Variants in PLG observed in about 807,000 individuals in gnomAD.
The protein encoded by PLG is plasmin.
PLG carries 41 observed loss-of-function variants against 104.4 expected under a neutral mutation model. The observed-to-expected ratio is 0.39, with a 90% CI of 0.31 to 0.51. PLG has a LOEUF of 0.51. Ranked by LOEUF, PLG falls within the 20% of genes least tolerant of loss-of-function variation. PLG has a pLI of 0.76. For synonymous variants in PLG, 337 were observed against 357.1 expected (o/e 0.94, Z 0.63); for missense variants, 891 against 1,003.6 (o/e 0.89, Z 1.52).
At chr6:160,712,784 C>G (rs2115157872) in intron 4 of PLG, among the ~76,000 whole-genome samples, 1 of 152,238 alleles carries the variant, frequency 6.6e-6, no homozygotes, top group South Asian at 2.1e-4. Context: ...GTCACAGTAG[C>G]AATGGTAATA....
Position 160,739,760 on chromosome 6 carries a change from C to CAAA in PLG, c.2018+561_2018+563dup, listed in dbSNP as rs1307343769. Among the ~76,000 whole-genome samples the CAAA allele has an allele frequency of 8.0e-5, 8 of 100,018 alleles. No homozygotes were observed. Among genetic ancestry groups the CAAA allele is most frequent in the African/African-American group, 2.6e-4 (8 of 30,636 alleles). The allele number at this position is 100,018 out of a possible 152,430, so 65.6% of individuals were successfully genotyped here. A position where few individuals can be genotyped will look rare whatever the true frequency, so the allele number is the denominator to read the frequency against. The stretch of plus-strand genomic sequence containing the variant: ...TGGGCGACAGAGTAAGACACTGTAC[C>CAAA]AAAAAAAAAAACACCAAAAAAACAA... On this transcript the variant is annotated intron_variant, in intron 16 of 18. Transcript: ENST00000308192. The surrounding 1 kb of genome is among the most constrained non-coding windows in gnomAD (Gnocchi z 4.4).
chr6:160,741,520 A>C lies in PLG; in HGVS notation c.2125+103A>C, dbSNP rs1313811990. On this transcript the variant is annotated intron_variant, in intron 17 of 18. Transcript: ENST00000308192. The surrounding 1 kb of genome is among the most constrained non-coding windows in gnomAD (Gnocchi z 4.7). ...AAGCTGTGCAAATTCCTATCCATGAATGTGGTCCACCCCACTCCTGATTTT... is the reference window on the plus strand; with the variant it reads ...AAGCTGTGCAAATTCCTATCCATGACTGTGGTCCACCCCACTCCTGATTTT... The C allele has an allele frequency of 1.2e-6, 1 of 802,700 alleles. No homozygotes were observed. Among genetic ancestry groups the C allele is most frequent in the African/African-American group, 1.7e-5 (1 of 59,014 alleles). The allele number at this position is 802,700 out of a possible 1,614,324, so 49.7% of individuals were successfully genotyped here.
intron 17 of PLG, among the ~76,000 whole-genome samples, chr6:160,745,480 T>C (rs1051519161): frequency 2.6e-5 from 4 of 152,224 alleles, no homozygotes; most frequent in African/African-American, 9.6e-5. Flanking sequence ...CTTGCTTTTT[T>C]GTCTGATTTC....
At position 160,753,088 on chromosome 6, in the gene PLG, G is replaced by T; in HGVS notation, c.*27G>T. On this transcript the variant is annotated 3_prime_UTR_variant, in exon 19 of 19. Transcript: ENST00000308192. This position sits in a 1 kb window ranked among gnomAD's most constrained non-coding sequence, Gnocchi z 5.4. ...TGGACGGGAGACAGAGTGACGCACT[G>T]ACTCACCTAGAGGCTGGAACGTGGG... is the stretch of plus-strand genomic sequence containing the variant. 7.0e-7 allele frequency: 1 copy of T among 1,425,284 alleles called. No individual in the cohort carries two copies. The highest frequency in any genetic ancestry group is 9.8e-7 in the Non-Finnish European group (1 of 1,019,488). 88.3% of individuals were successfully genotyped at this position (1,425,284 alleles called of 1,614,324 possible).
intron 17 of PLG, among the ~76,000 whole-genome samples, chr6:160,749,827 C>G (rs1192878981): frequency 2.0e-5 from 3 of 150,604 alleles, no homozygotes; most frequent in Non-Finnish European, 4.4e-5. Context: ...CATTTCACTA[C>G]CAGCACAATT....
Position 160,718,919 on chromosome 6 carries a change from A to C in PLG, c.1096+81A>C. The C allele has an allele frequency of 8.2e-6, 10 of 1,221,052 alleles. No individual in the cohort carries two copies. The Middle Eastern group carries it at 6.1e-4, about 74-fold the overall frequency. 75.6% of individuals were successfully genotyped at this position (1,221,052 alleles called of 1,614,324 possible). A position where few individuals can be genotyped will look rare whatever the true frequency, so the allele number is the denominator to read the frequency against. On this transcript the variant is annotated intron_variant, in intron 9 of 18. Transcript: ENST00000308192. Reference sequence around the variant, plus strand: ...TACCAGTGGCATCATCACAATATACAGTAGCTTTGTAAGTTTAATGCTATT... The same window carrying C: ...TACCAGTGGCATCATCACAATATACCGTAGCTTTGTAAGTTTAATGCTATT...
chr6:160,731,672 C>T lies in PLG; in HGVS notation c.1439-73C>T, dbSNP rs1487572404. 7.0e-7 allele frequency: 1 copy of T among 1,433,552 alleles called. No homozygotes were observed. Among genetic ancestry groups the T allele is most frequent in the African/African-American group, 1.4e-5 (1 of 71,470 alleles). 88.8% of individuals were successfully genotyped at this position (1,433,552 alleles called of 1,614,324 possible). A position where few individuals can be genotyped will look rare whatever the true frequency, so the allele number is the denominator to read the frequency against. On this transcript the variant is annotated intron_variant, in intron 11 of 18. Coordinates refer to ENST00000308192, the MANE Select transcript of PLG (RefSeq NM_000301.5). This position sits in a 1 kb window ranked among gnomAD's most constrained non-coding sequence, Gnocchi z 5.1. ...ATTCTGTCATCCTAGAGAAACCTGACATGACTGTATTGATTCCATATCATC... is the reference window on the plus strand; with the variant it reads ...ATTCTGTCATCCTAGAGAAACCTGATATGACTGTATTGATTCCATATCATC...
In PLG at chr6:160,732,165, T is replaced by C. The variant is rs1778010873; in HGVS notation, c.1587+272T>C. The stretch of plus-strand genomic sequence containing the variant: ...TAGTGACATTTCTTTAAAGTTTCCA[T>C]TATTGGGGACTGTCTCTAGTTTCTA... On this transcript the variant is annotated intron_variant, in intron 12 of 18. Coordinates refer to ENST00000308192, the MANE Select transcript of PLG (RefSeq NM_000301.5). This position sits in a 1 kb window ranked among gnomAD's most constrained non-coding sequence, Gnocchi z 4.5. 6.6e-6 allele frequency among the ~76,000 whole-genome samples: 1 copy of C among 152,204 alleles called. No individual in the cohort carries two copies. The highest frequency in any genetic ancestry group is 6.5e-5 in the Admixed American group (1 of 15,284).
At chr6:160,713,692 G>A (rs549145646) in intron 5 of PLG, among the ~76,000 whole-genome samples, 1 of 152,258 alleles carries the variant, frequency 6.6e-6, no homozygotes, top group African/African-American at 2.4e-5. Context: ...AGACAGGTTT[G>A]CAATTAAATA....
intron 7 of PLG, among the ~76,000 whole-genome samples, chr6:160,717,336 G>T (rs1304943573): frequency 6.6e-6 from 1 of 152,306 alleles, no homozygotes; most frequent in African/African-American, 2.4e-5. Context: ...CACACTAAGA[G>T]AAATACAGGC....
rs571010140 is a variant in PLG, at chr6:160,740,325, T to C, written c.2019-986T>C. On this transcript the variant is annotated intron_variant, in intron 16 of 18. Coordinates refer to ENST00000308192, the MANE Select transcript of PLG (RefSeq NM_000301.5). This position sits in a 1 kb window ranked among gnomAD's most constrained non-coding sequence, Gnocchi z 5.2. The stretch of plus-strand genomic sequence containing the variant: ...GTCCTCCCCGCCATCCCAGCAAATG[T>C]GCAAATAGAAGGTCCCCGTTCCTCA... 6.6e-6 allele frequency among the ~76,000 whole-genome samples: 1 copy of C among 152,230 alleles called. No individual in the cohort carries two copies.
chr6:160,729,536 T>C (rs1777966204), intron 10 of PLG, among the ~76,000 whole-genome samples: 1 of 152,242 alleles, frequency 6.6e-6, no homozygotes, highest in Non-Finnish European at 1.5e-5. Context: ...TATAATGGAA[T>C]ATTATTAAGC....
intron 9 of PLG, 149 bp downstream of exon 9, chr6:160,718,987 T>G (rs1777790003): frequency 9.8e-6 from 7 of 716,012 alleles, no homozygotes; most frequent in Admixed American, 4.7e-5. Flanking sequence ...TTTTTTAGAT[T>G]TGTTGAGGTT....
chr6:160,733,846 G>C (rs56387679), intron 12 of PLG, 149 bp from the exon 13 acceptor site: 1 of 312,838 alleles, frequency 3.2e-6, no homozygotes. Flanking sequence ...CTCCACCTCA[G>C]AAAAAAAAAA....
chr6:160,708,708 A>G (rs1445665149), intron 3 of PLG: 1 of 152,192 alleles, frequency 6.6e-6, no homozygotes, highest in Admixed American at 6.5e-5. Flanking sequence ...ATGATTTGCC[A>G]TATTGTGTCT....
intron 17 of PLG, among the ~76,000 whole-genome samples, chr6:160,743,904 C>T (rs1001215489): frequency 2.6e-5 from 4 of 152,162 alleles, no homozygotes; most frequent in Non-Finnish European, 2.9e-5. Flanking sequence ...TTTTCTGCAT[C>T]TATTGAGATA....
chr6:160,711,832 G>T (rs561954369), intron 4 of PLG: 2 of 1,466,508 alleles, frequency 1.4e-6, no homozygotes, highest in Non-Finnish European at 1.8e-6. Flanking sequence ...GACTCAAATT[G>T]TGGAGCAAAA....
In PLG at chr6:160,748,399, AG is replaced by A. The variant is rs1562383453; in HGVS notation, c.2126-3714del. Among the ~76,000 whole-genome samples the A allele has an allele frequency of 3.2e-3, 70 of 22,150 alleles. 2 individuals are homozygous for A. Among genetic ancestry groups the A allele is most frequent in the East Asian group, 8.2e-3 (1 of 122 alleles). The allele number at this position is 22,150 out of a possible 152,430, so 14.5% of individuals were successfully genotyped here. A position where few individuals can be genotyped will look rare whatever the true frequency, so the allele number is the denominator to read the frequency against. ...AAGAAAGAAAGAAAGAAAGAAAGAA[AG>A]GAAGAAAGAAAGAAAGGGAAAGAAA... On this transcript the variant is annotated intron_variant, in intron 17 of 18. Transcript: ENST00000308192.
chr6:160,714,190 A>C (rs1473182332), intron 5 of PLG, among the ~76,000 whole-genome samples: 2 of 152,202 alleles, frequency 1.3e-5, no homozygotes, highest in Non-Finnish European at 2.9e-5. Context: ...TCTGAATCAA[A>C]GTTTAAGTTT....
Sources: gnomAD v4.1 joint callset for allele counts (sites outside exome capture counted in the v4.1 genomes callset) on GRCh38, gnomAD v4.1.1 for gene constraint, Gnocchi (gnomAD v3.1) non-coding constraint, MANE v1.5 for transcripts, NCBI Gene and HGNC (gene_info 2026-07-23, HGNC 2026-07-21) for gene names.